GLDC: variants seen among roughly 807,000 people sequenced by gnomAD.
The protein encoded by GLDC is glycine dehydrogenase (decarboxylating), mitochondrial.
A neutral mutation model predicts 121.3 loss-of-function variants in GLDC; 104 were observed. That is an observed-to-expected ratio of 0.86 (90% CI 0.73 to 1.01). GLDC has a LOEUF of 1.01. Among genes scored for constraint, GLDC ranks in the 50% least tolerant of loss-of-function variants. The pLI is 0.00. For missense variants in GLDC, 1,429 were observed against 1,306.6 expected, an observed-to-expected ratio of 1.09 and a Z score of -1.44; for synonymous variants, 546 against 480.6, an observed-to-expected ratio of 1.14 and a Z score of -1.78.
At chr9:6,621,634 C>T (rs1435833593) in intron 2 of GLDC, among the ~76,000 whole-genome samples, 3 of 152,172 alleles carry the variant, frequency 2.0e-5, no homozygotes, top group Admixed American at 2.0e-4. Flanking sequence ...TCTTCTGCCT[C>T]AGCCTCCTGA....
At chr9:6,611,488 G>A (rs528118890) in intron 3 of GLDC, among the ~76,000 whole-genome samples, 4 of 152,040 alleles carry the variant, frequency 2.6e-5, no homozygotes, top group South Asian at 2.1e-4. Context: ...CCCGCGGGGC[G>A]GAGGTTGCAG....
At chr9:6,639,179 TA>T in intron 2 of GLDC, 2 of 806,998 alleles carry the variant, frequency 2.5e-6, no homozygotes, top group African/African-American at 1.7e-5. Flanking sequence ...CTGCCCCTCC[TA>T]AAGCCGAAGC....
chr9:6,575,866 G>C (rs1332317989), intron 15 of GLDC, among the ~76,000 whole-genome samples: 1 of 152,228 alleles, frequency 6.6e-6, no homozygotes, highest in East Asian at 1.9e-4. Flanking sequence ...GTGTTATGGA[G>C]AAAAAGCTGA....
intron 15 of GLDC, among the ~76,000 whole-genome samples, chr9:6,569,967 C>T (rs1817925262): frequency 6.6e-6 from 1 of 152,118 alleles, no homozygotes; most frequent in Non-Finnish European, 1.5e-5. Context: ...CAGAGTGAGA[C>T]TCAGGCTCAT....
chr9:6,604,857 T>A, intron 6 of GLDC, 73 bp from the exon 7 acceptor site: 2 of 1,237,516 alleles, frequency 1.6e-6, no homozygotes, highest in Non-Finnish European at 2.4e-6. Flanking sequence ...TAGGAAATTA[T>A]CTTAACTACA....
chr9:6,608,092 G>C (rs1818772182), intron 4 of GLDC, among the ~76,000 whole-genome samples: 3 of 152,000 alleles, frequency 2.0e-5, no homozygotes, highest in Admixed American at 2.0e-4. Context: ...ACCCCAGCCT[G>C]GGTGACAAAG....
chr9:6,580,554 A>G (rs758319086), intron 15 of GLDC, among the ~76,000 whole-genome samples: 9 of 152,192 alleles, frequency 5.9e-5, no homozygotes, highest in Non-Finnish European at 1.2e-4. Context: ...TTGCCAAGCC[A>G]GCATTCCCAA....
intron 3 of GLDC, among the ~76,000 whole-genome samples, chr9:6,618,316 C>G (rs1463296356): frequency 6.6e-6 from 1 of 152,098 alleles, no homozygotes; most frequent in Non-Finnish European, 1.5e-5. Context: ...CATTATATCC[C>G]AGTGAACAGC....
At chr9:6,642,999 G>A (rs1355320100) in intron 2 of GLDC, among the ~76,000 whole-genome samples, 1 of 151,884 alleles carries the variant, frequency 6.6e-6, no homozygotes, top group South Asian at 2.1e-4. Flanking sequence ...CCCAGCTCAA[G>A]TGTTTCTGCC....
chr9:6,602,244 C>T, intron 7 of GLDC, 39 bp from the exon 8 acceptor site: 2 of 1,171,498 alleles, frequency 1.7e-6, no homozygotes, highest in Non-Finnish European at 2.6e-6. Context: ...CACAGATAAT[C>T]ACAGCACTGG....
chr9:6,573,400 G>T (rs1050527812), intron 15 of GLDC, among the ~76,000 whole-genome samples: 3 of 152,178 alleles, frequency 2.0e-5, no homozygotes, highest in Admixed American at 1.3e-4. Context: ...GGCAGACGTT[G>T]CAGTGAGCTG....
At chr9:6,561,980 T>C (rs1022423914) in intron 16 of GLDC, among the ~76,000 whole-genome samples, 5 of 152,254 alleles carry the variant, frequency 3.3e-5, no homozygotes, top group African/African-American at 1.2e-4. Context: ...CTTTCTTTGT[T>C]GATTTACATA....
At chr9:6,645,166 G>T (rs1819716153) in intron 1 of GLDC, 79 bp downstream of exon 1, 1 of 1,386,326 alleles carries the variant, frequency 7.2e-7, no homozygotes, top group Non-Finnish European at 9.7e-7. Flanking sequence ...AGAGCTCAGG[G>T]TAGGAGCCGG....
chr9:6,554,935 C>T, intron 18 of GLDC, 154 bp from the exon 19 acceptor site: 1 of 698,696 alleles, frequency 1.4e-6, no homozygotes, highest in Non-Finnish European at 2.6e-6. Flanking sequence ...TCTATACTGG[C>T]CCAGTTCCGT....
rs149961291 is a variant in GLDC, at chr9:6,606,733, C to T, written c.636-64G>A. On this transcript the variant is annotated intron_variant, in intron 4 of 24. Transcript: ENST00000321612. The stretch of plus-strand genomic sequence containing the variant: ...AATAAATAGGACTATCTTCTAAGAA[C>T]GCAAAGCAAACATAGTACCGAGGGT... 3.0e-3 allele frequency: 2,860 copies of T among 960,648 alleles called. 62 individuals are homozygous for T. The highest frequency in any genetic ancestry group is 0.025 in the South Asian group (1,973 of 77,966). The allele number at this position is 960,648 out of a possible 1,614,324, so 59.5% of individuals were successfully genotyped here. A position where few individuals can be genotyped will look rare whatever the true frequency, so the allele number is the denominator to read the frequency against.
rs543223412 is a variant in GLDC, at chr9:6,572,242, G to A, written c.1851-6813C>T. 1.7e-4 allele frequency among the ~76,000 whole-genome samples: 26 copies of A among 152,274 alleles called. No individual in the cohort carries two copies. In the South Asian group the frequency reaches 2.9e-3, roughly 17 times the overall value. The stretch of plus-strand genomic sequence containing the variant: ...GGGTTACAAGGACAAGCTACAGAAC[G>A]GGAGAAAGTATCTGCAAACTACCAT... On this transcript the variant is annotated intron_variant, in intron 15 of 24. Transcript: ENST00000321612.
At chr9:6,539,179 A>T (rs1345917259) in intron 22 of GLDC, among the ~76,000 whole-genome samples, 1 of 152,168 alleles carries the variant, frequency 6.6e-6, no homozygotes, top group Non-Finnish European at 1.5e-5. Context: ...TTTTCATATT[A>T]TTATAATAGT....
chr9:6,595,526 GA>G (rs1818474240), intron 8 of GLDC, among the ~76,000 whole-genome samples: 1 of 152,132 alleles, frequency 6.6e-6, no homozygotes, highest in Non-Finnish European at 1.5e-5. Flanking sequence ...AATTCTTCAA[GA>G]ATAAAAAGAA....
chr9:6,565,894 A>G (rs1817845858), intron 15 of GLDC: 1 of 267,996 alleles, frequency 3.7e-6, no homozygotes, highest in Non-Finnish European at 7.1e-6. Flanking sequence ...CAAACATCCT[A>G]TCATCAGTTC....
Sources: allele counts gnomAD v4.1 joint callset (sites outside exome capture counted in the v4.1 genomes callset), GRCh38; gene constraint gnomAD v4.1.1; transcripts MANE v1.5; gene names NCBI Gene and HGNC (gene_info 2026-07-23, HGNC 2026-07-21).